Variants in LIPA observed in about 807,000 individuals in gnomAD.
LIPA encodes lysosomal acid lipase/cholesteryl ester hydrolase.
LIPA carries 26 observed loss-of-function variants against 40.6 expected under a neutral mutation model. That is an observed-to-expected ratio of 0.64 (90% CI 0.47 to 0.89). The LOEUF (loss-of-function observed/expected upper bound fraction) is 0.89. Ranked by LOEUF, LIPA falls within the 40% of genes least tolerant of loss-of-function variation. The pLI is 0.00. For synonymous variants in LIPA, 188 were observed against 168.4 expected, an observed-to-expected ratio of 1.12 and a Z score of -0.90; for missense variants, 455 against 479.6, an observed-to-expected ratio of 0.95 and a Z score of 0.48.
chr10:89,243,055 A>G (rs1460355995), intron 3 of LIPA, among the ~76,000 whole-genome samples: 1 of 152,202 alleles, frequency 6.6e-6, no homozygotes, highest in African/African-American at 2.4e-5. Context: ...TGCTGGTGCT[A>G]TTAATAATAG....
chr10:89,267,776 TA>T (rs1843245742), intron 1 of LIPA, among the ~76,000 whole-genome samples: 2 of 150,654 alleles, frequency 1.3e-5, no homozygotes, highest in African/African-American at 4.9e-5. Context: ...AAGAAATAAT[TA>T]CTCTACCATC....
intron 2 of LIPA, among the ~76,000 whole-genome samples, chr10:89,361,651 G>C (rs1009570408): frequency 6.6e-6 from 1 of 151,970 alleles, no homozygotes; most frequent in African/African-American, 2.4e-5. Context: ...ATCCCTTTCA[G>C]CCAGTATTCA....
intron 3 of LIPA, among the ~76,000 whole-genome samples, chr10:89,230,595 C>A (rs928225651): frequency 6.6e-6 from 1 of 152,142 alleles, no homozygotes. Flanking sequence ...TGTGAGCCAC[C>A]ACGCCCAGCC....
At position 89,339,388 on chromosome 10, in the gene LIPA, C is replaced by T. The variant is rs201977914; in HGVS notation, c.-2+3223G>A. On this transcript the variant is annotated intron_variant, in intron 1 of 5. Transcript: ENST00000282673. ...GTCTCCTTGCCAAACAGATGTCCTC[C>T]GCAGTGCAGCCAAATTTTACAGAAG... 2.0e-5 allele frequency: 33 copies of T among 1,614,154 alleles called. 1 individual carries two copies. Among genetic ancestry groups the T allele is most frequent in the South Asian group, 5.5e-5 (5 of 91,078 alleles).
chr10:89,364,742 A>T (rs1212310666), intron 2 of LIPA, among the ~76,000 whole-genome samples: 3 of 151,702 alleles, frequency 2.0e-5, no homozygotes, highest in African/African-American at 7.3e-5. Flanking sequence ...GAGAAAGTGA[A>T]AAAAGTCCCC....
At chr10:89,306,386 T>C in intron 1 of LIPA, 1 of 1,614,012 alleles carries the variant, frequency 6.2e-7, no homozygotes, top group Non-Finnish European at 8.5e-7. Flanking sequence ...TGAGGAAGGG[T>C]GGACACGGTT....
intron 8 of LIPA, among the ~76,000 whole-genome samples, chr10:89,216,428 A>G (rs1267314931): frequency 6.9e-6 from 1 of 145,836 alleles, no homozygotes; most frequent in Non-Finnish European, 1.5e-5. Context: ...TATATATAAT[A>G]GAGAGAGAGA....
chr10:89,406,845 TGACCACGAAGG>T (rs1017762075), intron 2 of LIPA, among the ~76,000 whole-genome samples: 5 of 152,164 alleles, frequency 3.3e-5, no homozygotes, highest in African/African-American at 1.2e-4. Context: ...CAAATTTTGG[TGACCACGAAGG>T]GACTATCGCC....
intron 2 of LIPA, among the ~76,000 whole-genome samples, chr10:89,369,292 A>T (rs1322267401): frequency 6.6e-6 from 1 of 152,120 alleles, no homozygotes; most frequent in Non-Finnish European, 1.5e-5. Flanking sequence ...TGCTTGGTAA[A>T]TGAGACACTG....
At chr10:89,241,734 G>A (rs1008656706) in intron 3 of LIPA, among the ~76,000 whole-genome samples, 5 of 152,078 alleles carry the variant, frequency 3.3e-5, no homozygotes, top group African/African-American at 1.2e-4. Flanking sequence ...TCACAGTCTA[G>A]AGTGCCACTT....
chr10:89,380,961 C>T (rs1008644869), intron 2 of LIPA, among the ~76,000 whole-genome samples: 2 of 152,142 alleles, frequency 1.3e-5, no homozygotes, highest in Non-Finnish European at 1.5e-5. Context: ...GGCAGGGCAG[C>T]CTTGTAAGAT....
At chr10:89,395,343 G>C (rs1844326744) in intron 2 of LIPA, among the ~76,000 whole-genome samples, 1 of 152,128 alleles carries the variant, frequency 6.6e-6, no homozygotes, top group Non-Finnish European at 1.5e-5. Context: ...ATAAAGGCTT[G>C]GGCCCACATT....
At chr10:89,295,024 A>AGGAAG (rs1843404718) in intron 1 of LIPA, among the ~76,000 whole-genome samples, 3 of 98,842 alleles carry the variant, frequency 3.0e-5, no homozygotes, top group Non-Finnish European at 6.6e-5. Flanking sequence ...ATGAAATGAA[A>AGGAAG]GGAAAGGAAA....
At chr10:89,268,758 G>A (rs998861225) in intron 1 of LIPA, among the ~76,000 whole-genome samples, 4 of 151,722 alleles carry the variant, frequency 2.6e-5, no homozygotes, top group African/African-American at 9.7e-5. Flanking sequence ...ATGCTGAGGC[G>A]GGTGGATCAC....
At chr10:89,378,204 T>G in intron 2 of LIPA, 2 of 1,576,840 alleles carry the variant, frequency 1.3e-6, no homozygotes, top group South Asian at 2.2e-5. Context: ...AAACTTTCCT[T>G]AAGGGCCAAT....
chr10:89,293,121 T>G (rs926057837), intron 1 of LIPA, among the ~76,000 whole-genome samples: 5 of 152,212 alleles, frequency 3.3e-5, no homozygotes, highest in Admixed American at 6.5e-5. Flanking sequence ...CCCCATATTA[T>G]TCTCATGATA....
At chr10:89,360,671 T>G (rs1844016821) in intron 2 of LIPA, among the ~76,000 whole-genome samples, 4 of 152,236 alleles carry the variant, frequency 2.6e-5, no homozygotes, top group Admixed American at 1.3e-4. Flanking sequence ...GAGCCAGGCA[T>G]GAGCCACTGC....
chr10:89,383,844 C>A (rs1303864227), intron 2 of LIPA: 2 of 1,614,084 alleles, frequency 1.2e-6, no homozygotes, highest in Non-Finnish European at 1.7e-6. Flanking sequence ...ACCCTGAATT[C>A]AATACTGGGT....
chr10:89,286,788 C>T (rs879381890), intron 1 of LIPA, among the ~76,000 whole-genome samples: 2 of 151,966 alleles, frequency 1.3e-5, no homozygotes, highest in Admixed American at 6.6e-5. Flanking sequence ...ATTAACCTTG[C>T]CTTCAAGGTG....
Sources: gnomAD v4.1 joint callset for allele counts (sites outside exome capture counted in the v4.1 genomes callset) on GRCh38, gnomAD v4.1.1 for gene constraint, MANE v1.5 for transcripts, NCBI Gene and HGNC (gene_info 2026-07-23, HGNC 2026-07-21) for gene names.